MICU1: variants seen among roughly 807,000 people sequenced by gnomAD.
MICU1 encodes the protein mitochondrial calcium uptake 1.
In MICU1, 45 loss-of-function variants were observed where a neutral mutation model predicts 56.8. That is an observed-to-expected ratio of 0.79 (90% CI 0.62 to 1.02). The LOEUF is 1.02. Among genes scored for constraint, MICU1 ranks in the 50% least tolerant of loss-of-function variants. The pLI is 0.00. For synonymous variants in MICU1, 186 were observed against 195.1 expected (o/e 0.95, Z 0.39); for missense variants, 504 against 587.1 (o/e 0.86, Z 1.46).
chr10:72,460,082 C>T (rs957161629), intron 8 of MICU1, among the ~76,000 whole-genome samples: 1 of 152,110 alleles, frequency 6.6e-6, no homozygotes, highest in Non-Finnish European at 1.5e-5. Context: ...TCTAAAAATC[C>T]AAATCTGATT....
chr10:72,455,350 C>CCAAAAAAA (rs1266151652), intron 8 of MICU1, among the ~76,000 whole-genome samples: 1 of 44,212 alleles, frequency 2.3e-5, no homozygotes, highest in African/African-American at 6.7e-5. Flanking sequence ...GACTCTGTCT[C>CCAAAAAAA]AAAAAAAAAA....
intron 8 of MICU1, among the ~76,000 whole-genome samples, chr10:72,464,269 C>T (rs181075769): frequency 2.9e-4 from 38 of 129,712 alleles, no homozygotes; most frequent in African/African-American, 1.1e-3. Context: ...GCACTCTAGC[C>T]GGGGTGACAG....
intron 5 of MICU1, chr10:72,509,509 C>G: frequency 1.2e-6 from 1 of 864,994 alleles, no homozygotes; most frequent in South Asian, 1.4e-5. Context: ...ATGATCTTCT[C>G]AATAAACTCA....
chr10:72,598,908 A>C (rs913583773), intron 1 of MICU1, among the ~76,000 whole-genome samples: 4 of 150,562 alleles, frequency 2.7e-5, no homozygotes, highest in Non-Finnish European at 4.4e-5. Flanking sequence ...TTTTTTTCCC[A>C]TTCATATCTT....
chr10:72,533,804 GA>G lies in MICU1; in HGVS notation c.494-16del. The G allele has an allele frequency of 6.4e-7, 1 of 1,559,502 alleles. No individual in the cohort carries two copies. The highest frequency in any genetic ancestry group is 8.7e-7 in the Non-Finnish European group (1 of 1,151,214). ...CAGACCCAAGTCTGTAAAAGAAAAG[GA>G]AAAAACATTTAGCTACTGATAATAA... On this transcript the variant is annotated splice_polypyrimidine_tract_variant and intron_variant, in intron 4 of 11. Coordinates refer to ENST00000361114, the MANE Select transcript of MICU1 (RefSeq NM_001195518.2).
intron 10 of MICU1, among the ~76,000 whole-genome samples, chr10:72,388,029 G>A (rs1862950261): frequency 6.6e-6 from 1 of 152,092 alleles, no homozygotes; most frequent in Non-Finnish European, 1.5e-5. Flanking sequence ...TGGAAACTGA[G>A]GCTTTGAGAA....
intron 1 of MICU1, among the ~76,000 whole-genome samples, chr10:72,614,049 CAGA>C (rs1210560308): frequency 6.6e-6 from 1 of 152,038 alleles, no homozygotes; most frequent in Non-Finnish European, 1.5e-5. Context: ...GAGGCTGAGG[CAGA>C]AGAATTGCTT....
intron 10 of MICU1, among the ~76,000 whole-genome samples, chr10:72,396,550 G>A (rs569891258): frequency 1.3e-5 from 2 of 152,234 alleles, no homozygotes; most frequent in East Asian, 3.9e-4. Flanking sequence ...AAGATTAGAC[G>A]AATGGCTAAT....
intron 2 of MICU1, among the ~76,000 whole-genome samples, chr10:72,566,152 A>G (rs1319357495): frequency 6.7e-6 from 1 of 150,096 alleles, no homozygotes; most frequent in Admixed American, 6.8e-5. Context: ...GGTTCAAACA[A>G]TTCTCCTGCC....
In MICU1 at chr10:72,528,088, AGTGCC is replaced by A. The variant is rs530007754; in HGVS notation, c.537+5653_537+5657del. Among the ~76,000 whole-genome samples, 47 of 152,324 alleles carry A rather than the reference AGTGCC, an allele frequency of 3.1e-4. No homozygotes were observed. The South Asian group carries it at 8.9e-3, about 29-fold the overall frequency. On this transcript the variant is annotated intron_variant, in intron 5 of 11. Transcript: ENST00000361114. ...TGATCCACCTGCCTCGGCCTCCCAA[AGTGCC>A]GCGATTACAGGCCTGAGCCTCTGGG...
chr10:72,398,380 A>G (rs1374751394), intron 10 of MICU1, among the ~76,000 whole-genome samples: 1 of 152,216 alleles, frequency 6.6e-6, no homozygotes, highest in East Asian at 1.9e-4. Flanking sequence ...AATTAAAAGA[A>G]CTAGAGAAGC....
rs201142454 is a variant in MICU1 at position 72,443,445 on chromosome 10, C to T, written c.934-20074G>A. ...GTGTTTTAGACATGAAGTCCTTGCC[C>T]GTGCCTATGTCCTGAATGGTAATGC... On this transcript the variant is annotated intron_variant, in intron 8 of 11. Coordinates refer to ENST00000361114, the MANE Select transcript of MICU1 (RefSeq NM_001195518.2). 2.6e-4 allele frequency among the ~76,000 whole-genome samples: 40 copies of T among 152,248 alleles called. No individual in the cohort carries two copies. In the East Asian group the frequency reaches 6.7e-3, roughly 26 times the overall value.
chr10:72,598,707 G>A (rs1043538280), intron 1 of MICU1, among the ~76,000 whole-genome samples: 7 of 151,824 alleles, frequency 4.6e-5, no homozygotes, highest in South Asian at 2.1e-4. Flanking sequence ...GAAAAGGTCC[G>A]GATTATTTTT....
At chr10:72,619,047 G>C (rs1034013056) in intron 1 of MICU1, among the ~76,000 whole-genome samples, 11 of 152,204 alleles carry the variant, frequency 7.2e-5, no homozygotes, top group African/African-American at 2.2e-4. Context: ...GAATTTTCTA[G>C]ATGTGTCCAG....
chr10:72,433,284 C>A (rs1245332394), intron 8 of MICU1, among the ~76,000 whole-genome samples: 2 of 151,286 alleles, frequency 1.3e-5, no homozygotes, highest in Non-Finnish European at 2.9e-5. Context: ...TGCTCTGTTG[C>A]CCAGGCTGAA....
rs561823140 is a variant in MICU1 at position 72,532,248 on chromosome 10, G to A, written c.537+1498C>T. Among the ~76,000 whole-genome samples, 3 of 151,834 alleles carry A rather than the reference G, an allele frequency of 2.0e-5. No individual in the cohort carries two copies. The South Asian group carries it at 6.2e-4, about 32-fold the overall frequency. On this transcript the variant is annotated intron_variant, in intron 5 of 11. Transcript: ENST00000361114. ...CAGGAGAATGGTGCAAACCCGGGAG[G>A]TGGAGCTTGCAGTGAGCCGAGATTG...
chr10:72,511,195 CATA>C (rs1181649649), intron 5 of MICU1, among the ~76,000 whole-genome samples: 2 of 152,110 alleles, frequency 1.3e-5, no homozygotes, highest in Non-Finnish European at 2.9e-5. Context: ...TTTCACTGAA[CATA>C]ATGTTTTTTA....
intron 6 of MICU1, among the ~76,000 whole-genome samples, chr10:72,493,883 C>T (rs910874634): frequency 2.0e-5 from 3 of 152,230 alleles, no homozygotes; most frequent in African/African-American, 7.2e-5. Context: ...ACCATCAAGA[C>T]GCTGAAAAGG....
chr10:72,581,909 T>A (rs780455199), intron 1 of MICU1, among the ~76,000 whole-genome samples: 28 of 152,122 alleles, frequency 1.8e-4, no homozygotes, highest in Non-Finnish European at 3.5e-4. Context: ...AGAAACAAGG[T>A]CATCCTGAGT....
Sources: gnomAD v4.1 joint callset for allele counts (sites outside exome capture counted in the v4.1 genomes callset) on GRCh38, gnomAD v4.1.1 for gene constraint, MANE v1.5 for transcripts, NCBI Gene and HGNC (gene_info 2026-07-23, HGNC 2026-07-21) for gene names.